The following LYST variants were observed in gnomAD, a reference collection of about 807,000 sequenced individuals.
LYST encodes the protein lysosomal trafficking regulator.
In LYST, 192 loss-of-function variants were observed where a neutral mutation model predicts 413.6. The observed-to-expected ratio is 0.46, with a 90% confidence interval of 0.41 to 0.52. The LOEUF (loss-of-function observed/expected upper bound fraction) is 0.52, where lower values mean the gene tolerates loss of function less well. Among genes scored for constraint, LYST ranks in the 20% least tolerant of loss-of-function variants. LYST has a pLI of 0.00. For synonymous variants in LYST, 1,525 were observed against 1,567.3 expected, an observed-to-expected ratio of 0.97 and a Z score of 0.64; for missense variants, 3,815 against 4,499.9, an observed-to-expected ratio of 0.85 and a Z score of 4.35.
At chr1:235,815,108 A>G (rs1289545448) in intron 3 of LYST, among the ~76,000 whole-genome samples, 2 of 151,916 alleles carry the variant, frequency 1.3e-5, no homozygotes, top group Non-Finnish European at 2.9e-5. Flanking sequence ...CATGTTCCTG[A>G]TTTGCTTCCA....
At chr1:235,771,511 G>C (rs897650483) in intron 19 of LYST, among the ~76,000 whole-genome samples, 2 of 152,030 alleles carry the variant, frequency 1.3e-5, no homozygotes, top group Admixed American at 6.5e-5. Context: ...CATTTATACT[G>C]CTTTTGATCC....
rs746005251 is a variant in LYST, at chr1:235,733,685, A to T, written c.8619T>A (p.Phe2873Leu). The part of the protein sequence containing the change: ...KTVNNNQQSL[F>L]QRLDSKSKDI... ...CCTTTGATTTTGAATCCAGACGCTGAAAGAGACTAAACAAATAATAAGATT... is the reference window on the plus strand; with the variant it reads ...CCTTTGATTTTGAATCCAGACGCTGTAAGAGACTAAACAAATAATAAGATT... The change falls in exon 34 of 53, where the codon TTT (phenylalanine) becomes TTA (leucine). Residue 2873 changes from phenylalanine (F) to leucine (L), a missense_variant. Phe to Leu is a conservative substitution (Grantham distance 22). This residue lies in a region of LYST where 866 missense variants were observed against 1,156.0 expected (regional missense o/e 0.75). Coordinates refer to ENST00000389793, the MANE Select transcript of LYST (RefSeq NM_000081.4). 5 of 1,611,720 alleles carry T rather than the reference A, an allele frequency of 3.1e-6. No homozygotes were observed. The highest frequency in any genetic ancestry group is 4.2e-6 in the Non-Finnish European group (5 of 1,178,020).
chr1:235,692,089 T>C (rs1660706630), intron 47 of LYST, among the ~76,000 whole-genome samples: 2 of 149,472 alleles, frequency 1.3e-5, no homozygotes, highest in African/African-American at 4.9e-5. Context: ...TCCCAGCACT[T>C]TGGGAGGCTG....
chr1:235,840,859 C>A (rs1677124708), intron 1 of LYST, among the ~76,000 whole-genome samples: 6 of 152,080 alleles, frequency 3.9e-5, no homozygotes, highest in Admixed American at 3.3e-4. Context: ...TATTAAATAT[C>A]CAAGAATTAA....
At chr1:235,763,479 C>T (rs1405236274) in intron 21 of LYST, among the ~76,000 whole-genome samples, 1 of 152,146 alleles carries the variant, frequency 6.6e-6, no homozygotes, top group Non-Finnish European at 1.5e-5. Flanking sequence ...TTGAGACAGT[C>T]TTGCTCTGTC....
chr1:235,842,469 A>T (rs1425502945), intron 1 of LYST, among the ~76,000 whole-genome samples: 2 of 152,216 alleles, frequency 1.3e-5, no homozygotes, highest in Non-Finnish European at 2.9e-5. Context: ...TTTGGACAAC[A>T]GATCATTGTA....
chr1:235,731,093 T>C lies in LYST; in HGVS notation c.8886A>G (p.Leu2962=). ...TTGGAATAGTTAAATAACATCTCTG[T>C]AAACGTCTCCTCTCTCGATTTGGCC... ...TEGPNRERRR[L]QRCYLTIPNK... is the part of the protein sequence containing the mutation. Residue 2962 remains leucine, a synonymous_variant, in exon 35 of 53, where the codon TTA becomes TTG. Coordinates refer to ENST00000389793, the MANE Select transcript of LYST (RefSeq NM_000081.4). 6.2e-7 allele frequency: 1 copy of C among 1,613,780 alleles called. No homozygotes were observed. Among genetic ancestry groups the C allele is most frequent in the South Asian group, 1.1e-5 (1 of 91,084 alleles).
At chr1:235,767,517 A>C (rs1241307088) in intron 20 of LYST, among the ~76,000 whole-genome samples, 4 of 152,110 alleles carry the variant, frequency 2.6e-5, no homozygotes, top group Non-Finnish European at 5.9e-5. Flanking sequence ...ACCATACTCC[A>C]TGTATCTTCT....
chr1:235,666,355 C>A (rs1178947106), intron 50 of LYST, among the ~76,000 whole-genome samples: 1 of 151,354 alleles, frequency 6.6e-6, no homozygotes, highest in Non-Finnish European at 1.5e-5. Flanking sequence ...ATAAGCCAGA[C>A]ACAAACAGAC....
At chr1:235,747,747 T>C (rs140718352) in intron 28 of LYST, among the ~76,000 whole-genome samples, 114 of 152,314 alleles carry the variant, frequency 7.5e-4, no homozygotes, top group African/African-American at 2.6e-3. Context: ...GTATTAATAC[T>C]AGAAAACGTG....
At chr1:235,801,982 TC>T (rs913384083) in intron 8 of LYST, among the ~76,000 whole-genome samples, 4 of 151,964 alleles carry the variant, frequency 2.6e-5, no homozygotes, top group Admixed American at 6.6e-5. Flanking sequence ...GATCACGAAG[TC>T]AGGAGTTCGA....
chr1:235,838,177 G>A (rs151200400), intron 1 of LYST, among the ~76,000 whole-genome samples: 138 of 152,322 alleles, frequency 9.1e-4, no homozygotes, highest in African/African-American at 3.2e-3. Flanking sequence ...ACTGCCAGCT[G>A]AGAGTGAGAA....
intron 31 of LYST, chr1:235,738,566 C>T: frequency 6.2e-7 from 1 of 1,610,654 alleles, no homozygotes; most frequent in Non-Finnish European, 8.5e-7. Flanking sequence ...ATGGGTGAGT[C>T]CTTGGGGAAC....
At chr1:235,732,079 AC>A (rs1307223186) in intron 34 of LYST, among the ~76,000 whole-genome samples, 2 of 151,882 alleles carry the variant, frequency 1.3e-5, no homozygotes, top group Admixed American at 1.3e-4. Flanking sequence ...TTTTTTTAAA[AC>A]GTGCATCTGT....
intron 1 of LYST, among the ~76,000 whole-genome samples, chr1:235,858,931 T>C (rs886710722): frequency 6.6e-6 from 1 of 152,130 alleles, no homozygotes; most frequent in Non-Finnish European, 1.5e-5. Context: ...CTCTGTACAT[T>C]TGTGATTTCA....
intron 31 of LYST, chr1:235,735,119 G>A (rs1664710576): frequency 6.6e-6 from 1 of 152,238 alleles, no homozygotes; most frequent in African/African-American, 2.4e-5. Context: ...TAGCCAGCTA[G>A]CTTTTGGGGA....
In LYST at chr1:235,781,886, G is replaced by A. The variant is rs72763416; in HGVS notation, c.5023+41C>T. 161,737 of 1,343,810 alleles carry A rather than the reference G, an allele frequency of 0.12. 10,497 individuals carry two copies. Among genetic ancestry groups the A allele is most frequent in the Middle Eastern group, 0.16 (898 of 5,552 alleles). 83.2% of individuals were successfully genotyped at this position (1,343,810 alleles called of 1,614,324 possible). On this transcript the variant is annotated intron_variant, in intron 15 of 52. Coordinates refer to ENST00000389793, the MANE Select transcript of LYST (RefSeq NM_000081.4). The stretch of plus-strand genomic sequence containing the variant: ...CAAAGGAAAAAAATCTCACTCTGTC[G>A]CCCAGGCTGAAGTGCAGTGGTGCAA...
intron 45 of LYST, among the ~76,000 whole-genome samples, chr1:235,698,517 A>C (rs764911546): frequency 6.6e-6 from 1 of 152,214 alleles, no homozygotes; most frequent in Non-Finnish European, 1.5e-5. Context: ...ACAAGCTTCT[A>C]AAATTTTGTC....
At chr1:235,713,104 T>A in intron 42 of LYST, 1 of 985,230 alleles carries the variant, frequency 1.0e-6, no homozygotes, top group Non-Finnish European at 1.2e-6. Context: ...CTGAGCAACA[T>A]CTTCTGTCAC....
Sources: allele counts gnomAD v4.1 joint callset (sites outside exome capture counted in the v4.1 genomes callset), GRCh38; gene constraint gnomAD v4.1.1; regional missense constraint gnomAD v4.1.1; transcripts MANE v1.5; gene names NCBI Gene and HGNC (gene_info 2026-07-23, HGNC 2026-07-21).